The following MYO1H variants were observed in gnomAD, a reference collection of about 807,000 sequenced individuals.
The protein encoded by MYO1H is myosin IH.
In MYO1H, 118 loss-of-function variants were observed where a neutral mutation model predicts 149.3. The observed-to-expected ratio is 0.79, with a 90% CI of 0.68 to 0.92. MYO1H has a LOEUF of 0.92. Ranked by LOEUF, MYO1H falls within the 40% of genes least tolerant of loss-of-function variation. MYO1H has a pLI of 0.00. For synonymous variants in MYO1H, 447 were observed against 465.2 expected, an observed-to-expected ratio of 0.96 and a Z score of 0.50; for missense variants, 1,212 against 1,280.7, an observed-to-expected ratio of 0.95 and a Z score of 0.82.
intron 2 of MYO1H, among the ~76,000 whole-genome samples, chr12:109,391,481 T>C (rs1459174420): frequency 6.6e-6 from 1 of 152,220 alleles, no homozygotes; most frequent in African/African-American, 2.4e-5. Flanking sequence ...CAGTCTATCA[T>C]TGATGGGCAT....
At chr12:109,323,390 C>T in the MYO1H span, among the ~76,000 whole-genome samples, 4 of 152,198 alleles carry the variant, frequency 2.6e-5, no homozygotes, top group Non-Finnish European at 4.4e-5. Flanking sequence ...GTCATGGGCA[C>T]AAAAACAGAA....
exon 9 of MYO1H, chr12:109,406,818 G>A: frequency 6.2e-7 from 1 of 1,613,690 alleles, no homozygotes; most frequent in Non-Finnish European, 8.5e-7. Context: ...CAGTCCTTCT[G>A]GAAGCTCTCA....
intron 22 of MYO1H, 62 bp downstream of exon 22, chr12:109,436,618 C>A: frequency 1.7e-6 from 2 of 1,194,170 alleles, no homozygotes; most frequent in Non-Finnish European, 2.4e-6. Context: ...CACCTGGGGG[C>A]ACATTTGTGA....
At chr12:109,437,555 AG>A in intron 22 of MYO1H, among the ~76,000 whole-genome samples, 1 of 152,286 alleles carries the variant, frequency 6.6e-6, no homozygotes, top group African/African-American at 2.4e-5. Flanking sequence ...CTGCCATGGT[AG>A]CAGGAAAGTA....
upstream of MYO1H, among the ~76,000 whole-genome samples, chr12:109,345,461 G>C (rs888893221): frequency 2.0e-5 from 3 of 152,020 alleles, no homozygotes; most frequent in African/African-American, 7.2e-5. Flanking sequence ...AACAATAACA[G>C]GTGTTGGCAA....
At chr12:109,366,825 C>T (rs1868875558) in intron 1 of MYO1H, among the ~76,000 whole-genome samples, 4 of 152,168 alleles carry the variant, frequency 2.6e-5, no homozygotes, top group Admixed American at 2.0e-4. Flanking sequence ...GAAATATTGT[C>T]ACTTATTACT....
intron 1 of MYO1H, among the ~76,000 whole-genome samples, chr12:109,351,395 G>A (rs1339162958): frequency 6.6e-6 from 1 of 152,104 alleles, no homozygotes; most frequent in Non-Finnish European, 1.5e-5. Flanking sequence ...ACCGTGGGGG[G>A]AAAAAGCCAA....
chr12:109,334,709 A>G, the MYO1H span, among the ~76,000 whole-genome samples: 3 of 152,044 alleles, frequency 2.0e-5, no homozygotes, highest in Admixed American at 1.3e-4. Flanking sequence ...TAGCATTCCT[A>G]TTAGTTCTGT....
chr12:109,323,031 T>A, the MYO1H span, among the ~76,000 whole-genome samples: 1 of 151,966 alleles, frequency 6.6e-6, no homozygotes, highest in Non-Finnish European at 1.5e-5. Flanking sequence ...CGCTTGAACC[T>A]GGGAGGCAGA....
rs368001299 is a variant in MYO1H at position 109,410,676 on chromosome 12, T to C, written c.1330-12T>C. ...TATTTCTTGGAGAATTCATTCCTCT[T>C]TGTCATTTTAGTGGGAGCCAATTAA... On this transcript the variant is annotated splice_polypyrimidine_tract_variant and intron_variant, in intron 12 of 31. Coordinates refer to ENST00000310903, the Ensembl canonical transcript of MYO1H. 1.6e-5 allele frequency: 25 copies of C among 1,578,504 alleles called. No individual in the cohort carries two copies. Among genetic ancestry groups the C allele is most frequent in the Non-Finnish European group, 2.1e-5 (24 of 1,154,288 alleles).
intron 6 of MYO1H, among the ~76,000 whole-genome samples, chr12:109,402,183 A>G (rs189619672): frequency 6.6e-6 from 1 of 152,356 alleles, no homozygotes; most frequent in Admixed American, 6.5e-5. Context: ...CTGTCAGAAT[A>G]TAACCCTGCA....
rs1396573839 is a variant in MYO1H, at chr12:109,403,983, G to C, written c.752G>C (p.Gly251Ala). Residue 251 changes from glycine to alanine, a missense_variant and splice_region_variant, in exon 7 of 32, where the codon GGT (glycine) becomes GCT (alanine). Transcript: ENST00000310903. ...GTGACTCAAACTTTTTGTCAACAGG[G>C]TCATTGTGCCAAAGAGTCATCCATT... 3 of 1,611,782 alleles carry C rather than the reference G, an allele frequency of 1.9e-6. No individual in the cohort carries two copies. The Admixed American group carries it at 5.0e-5, about 27-fold the overall frequency.
intron 19 of MYO1H, among the ~76,000 whole-genome samples, chr12:109,429,319 A>G (rs918921945): frequency 2.0e-5 from 3 of 152,170 alleles, no homozygotes; most frequent in Admixed American, 1.3e-4. Flanking sequence ...TTTACTTTCT[A>G]TGGGGGAGAC....
intron 14 of MYO1H, among the ~76,000 whole-genome samples, chr12:109,413,715 G>GC (rs1037508145): frequency 2.0e-5 from 3 of 152,160 alleles, no homozygotes; most frequent in African/African-American, 4.8e-5. Flanking sequence ...TTCAAGACCA[G>GC]CCTGACCAAC....
chr12:109,335,099 C>T, the MYO1H span, among the ~76,000 whole-genome samples: 1 of 152,136 alleles, frequency 6.6e-6, no homozygotes, highest in African/African-American at 2.4e-5. Context: ...TACTTCGCTC[C>T]TTTTCATGGC....
At chr12:109,326,210 A>G in the MYO1H span, among the ~76,000 whole-genome samples, 2 of 152,194 alleles carry the variant, frequency 1.3e-5, no homozygotes, top group African/African-American at 2.4e-5. Context: ...CAGATGAATG[A>G]TTCCATCACT....
chr12:109,443,810 G>A lies in MYO1H; in HGVS notation c.2824+161G>A, dbSNP rs530395529. ...CTCAGCTACTCGGAAGGCTGAGGCA[G>A]GAGGATCACTTGAGCCTGGGAATTC... On this transcript the variant is annotated intron_variant, in intron 28 of 31. Coordinates refer to ENST00000310903, the Ensembl canonical transcript of MYO1H. 108 of 749,090 alleles carry A rather than the reference G, an allele frequency of 1.4e-4. No homozygotes were observed. The African/African-American group carries it at 1.7e-3, about 12-fold the overall frequency. 46.4% of individuals were successfully genotyped at this position (749,090 alleles called of 1,614,324 possible).
chr12:109,364,162 C>A (rs762849445), intron 1 of MYO1H, among the ~76,000 whole-genome samples: 11 of 126,390 alleles, frequency 8.7e-5, no homozygotes, highest in Non-Finnish European at 1.4e-4. Flanking sequence ...CAGAGAGAGA[C>A]CATGTCTTTA....
At chr12:109,319,993 AAC>A in the MYO1H span, among the ~76,000 whole-genome samples, 1 of 152,136 alleles carries the variant, frequency 6.6e-6, no homozygotes, top group South Asian at 2.1e-4. Flanking sequence ...GGTAGCCATG[AAC>A]CATACGGGGC....
Sources: gnomAD v4.1 joint callset for allele counts (sites outside exome capture counted in the v4.1 genomes callset) on GRCh38, gnomAD v4.1.1 for gene constraint, MANE v1.5 for transcripts, NCBI Gene and HGNC (gene_info 2026-07-23, HGNC 2026-07-21) for gene names.